The following GABPB1 variants were observed in gnomAD, a reference collection of about 807,000 sequenced individuals.
The protein encoded by GABPB1 is GA binding protein transcription factor subunit beta 1, also known as GA-binding protein subunit beta-1.
A neutral mutation model predicts 45.9 loss-of-function variants in GABPB1; 15 were observed. That is an observed-to-expected ratio of 0.33 (90% CI 0.22 to 0.50). GABPB1 has a LOEUF of 0.50. Among genes scored for constraint, GABPB1 ranks in the 20% least tolerant of loss-of-function variants. The probability of loss-of-function intolerance (pLI) is 0.98; values close to 1 mark genes in which losing one functional copy is unlikely to be tolerated. For missense variants in GABPB1, 252 were observed against 457.5 expected (o/e 0.55, Z 4.10); for synonymous variants, 143 against 154.4 (o/e 0.93, Z 0.55).
chr15:50,298,963 A>AG (rs1439732803), intron 6 of GABPB1, among the ~76,000 whole-genome samples: 2 of 151,876 alleles, frequency 1.3e-5, no homozygotes, highest in African/African-American at 4.8e-5. Context: ...AAAAAAAAAA[A>AG]AAAGAAAGAG....
intron 1 of GABPB1, among the ~76,000 whole-genome samples, chr15:50,341,508 G>C (rs2048376378): frequency 6.6e-6 from 1 of 151,846 alleles, no homozygotes; most frequent in Non-Finnish European, 1.5e-5. Context: ...ACTCCAGCCT[G>C]GGCAACAAGA....
chr15:50,348,872 T>C (rs1310675806), intron 1 of GABPB1: 2 of 151,992 alleles, frequency 1.3e-5, no homozygotes, highest in Non-Finnish European at 2.9e-5. Flanking sequence ...AAAAAAAAAT[T>C]TTTTTTAAAT....
chr15:50,327,832 G>T (rs1257850530), intron 1 of GABPB1, among the ~76,000 whole-genome samples: 1 of 152,068 alleles, frequency 6.6e-6, no homozygotes, highest in African/African-American at 2.4e-5. Flanking sequence ...CCGGGAGGTG[G>T]AGGTTGCAGT....
Position 50,342,919 on chromosome 15 carries a change from G to C in GABPB1, c.-1+12066C>G, listed in dbSNP as rs1328462670. 2.6e-5 allele frequency among the ~76,000 whole-genome samples: 4 copies of C among 152,230 alleles called. No homozygotes were observed. The East Asian group carries it at 7.7e-4, about 29-fold the overall frequency. ...TTTTGTTTGTTTGTTTGTTTGTTTT[G>C]AGATGGAGTCTCGCTCTGTCGCCCA... is the stretch of plus-strand genomic sequence containing the variant. On this transcript the variant is annotated intron_variant, in intron 1 of 8. Transcript: ENST00000380877.
chr15:50,332,554 T>C (rs2047983114), intron 1 of GABPB1, among the ~76,000 whole-genome samples: 1 of 152,214 alleles, frequency 6.6e-6, no homozygotes, highest in Non-Finnish European at 1.5e-5. Context: ...ACTGGTATTA[T>C]ACTTTAAGCC....
At chr15:50,284,154 T>C (rs1008506208) in intron 8 of GABPB1, among the ~76,000 whole-genome samples, 3 of 152,134 alleles carry the variant, frequency 2.0e-5, no homozygotes, top group East Asian at 1.9e-4. Flanking sequence ...GATAACCCCA[T>C]TGGCCACCTA....
At chr15:50,303,352 T>C (rs574055006) in intron 3 of GABPB1, among the ~76,000 whole-genome samples, 2 of 151,926 alleles carry the variant, frequency 1.3e-5, no homozygotes, top group Non-Finnish European at 2.9e-5. Context: ...GGTTTGAAAC[T>C]AGCCTGGGCA....
In GABPB1 at chr15:50,278,795, G is replaced by C; in HGVS notation, c.1000-11C>G. The C allele has an allele frequency of 3.3e-6, 5 of 1,521,586 alleles. No homozygotes were observed. Among genetic ancestry groups the C allele is most frequent in the Non-Finnish European group, 3.5e-6 (4 of 1,145,606 alleles). 94.3% of individuals were successfully genotyped at this position (1,521,586 alleles called of 1,614,324 possible). A position where few individuals can be genotyped will look rare whatever the true frequency, so the allele number is the denominator to read the frequency against. ...AAGAGCTTCTCTCTCCTAATTAAAAGAAGAGGGTTTTTTTTTTAATTTTTG... is the reference window on the plus strand; with the variant it reads ...AAGAGCTTCTCTCTCCTAATTAAAACAAGAGGGTTTTTTTTTTAATTTTTG... On this transcript the variant is annotated splice_polypyrimidine_tract_variant and intron_variant, in intron 8 of 8. Coordinates refer to ENST00000380877, the MANE Select transcript of GABPB1 (RefSeq NM_016654.5).
At chr15:50,341,104 T>C (rs1179548181) in intron 1 of GABPB1, among the ~76,000 whole-genome samples, 2 of 152,040 alleles carry the variant, frequency 1.3e-5, no homozygotes, top group Non-Finnish European at 2.9e-5. Flanking sequence ...ATTTTAAATG[T>C]TAATGTTGTC....
intron 1 of GABPB1, 194 bp downstream of exon 1, chr15:50,354,791 G>GGT (rs2049031298): frequency 4.3e-6 from 1 of 230,806 alleles, no homozygotes; most frequent in Non-Finnish European, 8.7e-6. Flanking sequence ...GGCGGCGCGG[G>GGT]CGCCCAGGCC....
intron 8 of GABPB1, among the ~76,000 whole-genome samples, chr15:50,285,682 T>C (rs1321703740): frequency 6.6e-6 from 1 of 152,094 alleles, no homozygotes; most frequent in African/African-American, 2.4e-5. Context: ...AGAGGACCCC[T>C]AGCCCAATTA....
intron 6 of GABPB1, among the ~76,000 whole-genome samples, chr15:50,298,288 G>A (rs1035988507): frequency 1.3e-5 from 2 of 152,008 alleles, no homozygotes; most frequent in East Asian, 1.9e-4. Context: ...ATTTTGCCAC[G>A]TTGTCCAGGC....
chr15:50,334,632 G>T (rs8042451), intron 1 of GABPB1, among the ~76,000 whole-genome samples: 8 of 150,610 alleles, frequency 5.3e-5, no homozygotes, highest in African/African-American at 1.2e-4. Flanking sequence ...ATCAGCCTCC[G>T]GAGTAGCTGG....
chr15:50,322,080 C>T (rs182322229), intron 1 of GABPB1, among the ~76,000 whole-genome samples: 9 of 152,000 alleles, frequency 5.9e-5, no homozygotes, highest in African/African-American at 1.9e-4. Context: ...CTGAGACCCT[C>T]AGAATTACTC....
chr15:50,323,760 T>TA (rs375129426), intron 1 of GABPB1, among the ~76,000 whole-genome samples: 96 of 152,224 alleles, frequency 6.3e-4, no homozygotes, highest in African/African-American at 2.2e-3. Context: ...CAGCTACAGC[T>TA]ACTCAGGAGG....
chr15:50,298,122 T>C (rs1261557111), intron 6 of GABPB1, among the ~76,000 whole-genome samples: 3 of 152,190 alleles, frequency 2.0e-5, no homozygotes, highest in African/African-American at 7.2e-5. Context: ...GACAAGGTCT[T>C]GGTCTGTCAC....
Position 50,276,787 on chromosome 15 carries a change from A to G in GABPB1, c.*1845T>C, listed in dbSNP as rs1396951825. 2.0e-5 allele frequency: 3 copies of G among 152,246 alleles called. No individual in the cohort carries two copies. Among genetic ancestry groups the G allele is most frequent in the African/African-American group, 7.2e-5 (3 of 41,456 alleles). 9.4% of individuals were successfully genotyped at this position (152,246 alleles called of 1,614,324 possible). On this transcript the variant is annotated 3_prime_UTR_variant, in exon 9 of 9. Transcript: ENST00000380877. ...ACATGTCAGGGTACCTGGCTGTGGT[A>G]CCAGCACCCTGCCTAACATGACAAA...
chr15:50,335,855 T>C (rs1197107194), intron 1 of GABPB1, among the ~76,000 whole-genome samples: 1 of 135,022 alleles, frequency 7.4e-6, no homozygotes, highest in Non-Finnish European at 1.5e-5. Flanking sequence ...GAGATCATGG[T>C]GCTGCACTCC....
chr15:50,325,858 T>A (rs2047737446), intron 1 of GABPB1, among the ~76,000 whole-genome samples: 2 of 151,634 alleles, frequency 1.3e-5, no homozygotes, highest in African/African-American at 4.8e-5. Flanking sequence ...GCCACTAACT[T>A]CAGAATATGC....
Sources: allele counts gnomAD v4.1 joint callset (sites outside exome capture counted in the v4.1 genomes callset), GRCh38; gene constraint gnomAD v4.1.1; transcripts MANE v1.5; gene names NCBI Gene and HGNC (gene_info 2026-07-23, HGNC 2026-07-21).